TIAM1: variants seen among roughly 807,000 people sequenced by gnomAD.
The protein encoded by TIAM1 is TIAM Rac1 associated GEF 1, also known as rho guanine nucleotide exchange factor TIAM1.
In TIAM1, 65 loss-of-function variants were observed where a neutral mutation model predicts 163.5. That is an observed-to-expected ratio of 0.40 (90% CI 0.33 to 0.49). TIAM1 has a LOEUF of 0.49. Ranked by LOEUF, TIAM1 falls within the 20% of genes least tolerant of loss-of-function variation. The probability of loss-of-function intolerance (pLI) is 0.77; values close to 1 mark genes in which losing one functional copy is unlikely to be tolerated. For synonymous variants in TIAM1, 833 were observed against 810.1 expected (o/e 1.03, Z -0.48); for missense variants, 1,789 against 2,044.7 (o/e 0.87, Z 2.41).
intron 2 of TIAM1, among the ~76,000 whole-genome samples, chr21:31,298,213 C>T (rs2074365379): frequency 6.6e-6 from 1 of 152,138 alleles, no homozygotes. Flanking sequence ...AATAACTATG[C>T]ATATTTCTGT....
intron 2 of TIAM1, among the ~76,000 whole-genome samples, chr21:31,448,467 G>A (rs951714561): frequency 2.6e-5 from 4 of 152,050 alleles, no homozygotes; most frequent in Non-Finnish European, 5.9e-5. Context: ...TTAGCTAGGC[G>A]TGGTAATGCG....
intron 26 of TIAM1, among the ~76,000 whole-genome samples, chr21:31,126,132 C>A (rs971960101): frequency 1.3e-5 from 2 of 152,066 alleles, no homozygotes; most frequent in African/African-American, 2.4e-5. Context: ...GGTAAAGGTA[C>A]CTTCTTACCA....
In TIAM1 at chr21:31,120,693, A is replaced by G. The variant is rs779011002; in HGVS notation, c.4451T>C (p.Val1484Ala). 10 of 1,613,586 alleles carry G rather than the reference A, an allele frequency of 6.2e-6. No individual in the cohort carries two copies. The highest frequency in any genetic ancestry group is 8.5e-6 in the Non-Finnish European group (10 of 1,179,938). The change falls in exon 28 of 28, where the codon GTA (valine) becomes GCA (alanine). Residue 1484 changes from valine (V) to alanine (A), a missense_variant. By Grantham distance (64) the Val-to-Ala change is moderately conservative. Coordinates refer to ENST00000541036, the MANE Select transcript of TIAM1 (RefSeq NM_001353694.2). This position sits in a 1 kb window ranked among gnomAD's most constrained non-coding sequence, Gnocchi z 4.2. ...PPGGGDTDRWVEEQFDLAQYE... is the reference protein window; with the variant it reads ...PPGGGDTDRWAEEQFDLAQYE... ...CTGAGCAAGATCAAACTGCTCCTCT[A>G]CCCATCGGTCAGTGTCCCCACCACC...
intron 13 of TIAM1, among the ~76,000 whole-genome samples, chr21:31,190,177 G>T (rs537636223): frequency 1.3e-5 from 2 of 152,152 alleles, no homozygotes; most frequent in Non-Finnish European, 2.9e-5. Context: ...AGGCTGAGGC[G>T]GGAGGAAAGC....
At chr21:31,449,947 C>T (rs913644499) in intron 2 of TIAM1, among the ~76,000 whole-genome samples, 6 of 152,264 alleles carry the variant, frequency 3.9e-5, no homozygotes, top group Admixed American at 2.0e-4. Flanking sequence ...AGAGGAAGGC[C>T]AGAGGGGCCT....
At chr21:31,434,139 G>GA (rs113976495) in intron 2 of TIAM1, among the ~76,000 whole-genome samples, 11,860 of 149,620 alleles carry the variant, frequency 0.079, 1,523 homozygotes, top group African/African-American at 0.27. Context: ...TATTTTTAAA[G>GA]AAAAAAAAAG....
At chr21:31,194,503 A>G (rs571035235) in intron 13 of TIAM1, among the ~76,000 whole-genome samples, 82 of 152,332 alleles carry the variant, frequency 5.4e-4, no homozygotes, top group African/African-American at 1.9e-3. Context: ...TACATTACTA[A>G]GGTACATCAT....
chr21:31,232,882 TC>T (rs1290633212), intron 6 of TIAM1, among the ~76,000 whole-genome samples: 2 of 151,864 alleles, frequency 1.3e-5, no homozygotes, highest in Non-Finnish European at 2.9e-5. Flanking sequence ...CTGTGATTCT[TC>T]CTTTGCCTTC....
At chr21:31,190,020 C>G (rs1374443054) in intron 13 of TIAM1, among the ~76,000 whole-genome samples, 2 of 152,162 alleles carry the variant, frequency 1.3e-5, no homozygotes, top group Admixed American at 1.3e-4. Context: ...TATCCACCAA[C>G]TGGAAGGCTG....
chr21:31,124,685 C>T lies in TIAM1; in HGVS notation c.4143G>A (p.Glu1381=). Reference sequence around the variant, plus strand: ...CAGCCTTTAGGAAATCCTTTCGGCTCTCTGGGGAGCTAGGAAAAGAAGATT... The same window carrying T: ...CAGCCTTTAGGAAATCCTTTCGGCTTTCTGGGGAGCTAGGAAAAGAAGATT... The part of the protein sequence containing the change: ...RVFHLCCSSP[E]SRKDFLKAVH... The change falls in exon 27 of 28, where the codon GAG becomes GAA. Residue 1381 remains glutamate (E), a synonymous_variant. Transcript: ENST00000541036. 3.8e-6 allele frequency: 6 copies of T among 1,573,036 alleles called. No individual in the cohort carries two copies. The highest frequency in any genetic ancestry group is 5.2e-6 in the Non-Finnish European group (6 of 1,158,898).
chr21:31,258,303 T>C (rs777855784), intron 4 of TIAM1, among the ~76,000 whole-genome samples: 1 of 152,042 alleles, frequency 6.6e-6, no homozygotes, highest in Non-Finnish European at 1.5e-5. Flanking sequence ...TCCACCACAA[T>C]CTCAAAACAA....
intron 2 of TIAM1, among the ~76,000 whole-genome samples, chr21:31,365,387 C>CTTTT (rs772457613): frequency 4.5e-4 from 58 of 128,778 alleles, no homozygotes; most frequent in East Asian, 4.8e-4. Flanking sequence ...TTATTTCTTT[C>CTTTT]TTTTTTTTTT....
intron 5 of TIAM1, among the ~76,000 whole-genome samples, chr21:31,248,196 G>T (rs557699770): frequency 1.1e-3 from 172 of 152,300 alleles, no homozygotes; most frequent in Non-Finnish European, 2.2e-3. Context: ...CATAAAAGGA[G>T]CAACACACGT....
chr21:31,427,032 C>T (rs554892424), intron 2 of TIAM1, among the ~76,000 whole-genome samples: 10 of 152,104 alleles, frequency 6.6e-5, no homozygotes, highest in Non-Finnish European at 1.2e-4. Flanking sequence ...GCAATCCTCC[C>T]ACCTCAGCCT....
At chr21:31,418,398 G>A (rs1275176406) in intron 2 of TIAM1, among the ~76,000 whole-genome samples, 1 of 151,022 alleles carries the variant, frequency 6.6e-6, no homozygotes, top group Non-Finnish European at 1.5e-5. Flanking sequence ...TTAGACACAG[G>A]GTGGTGGGAA....
intron 2 of TIAM1, among the ~76,000 whole-genome samples, chr21:31,327,743 C>T (rs538931922): frequency 2.6e-5 from 4 of 152,060 alleles, no homozygotes; most frequent in African/African-American, 7.2e-5. Flanking sequence ...CCACCATCAC[C>T]CTGCACCAGT....
At chr21:31,492,283 G>A (rs536226621) in intron 1 of TIAM1, among the ~76,000 whole-genome samples, 2 of 152,198 alleles carry the variant, frequency 1.3e-5, no homozygotes, top group East Asian at 1.9e-4. Flanking sequence ...TCACAATTTG[G>A]AATTTCCTGG....
At chr21:31,398,061 C>A (rs368912467) in intron 2 of TIAM1, among the ~76,000 whole-genome samples, 21 of 151,728 alleles carry the variant, frequency 1.4e-4, no homozygotes, top group Admixed American at 3.9e-4. Flanking sequence ...TGACCTCCCC[C>A]CTACAACCTC....
At chr21:31,156,464 C>T (rs1477411017) in intron 16 of TIAM1, among the ~76,000 whole-genome samples, 11 of 152,136 alleles carry the variant, frequency 7.2e-5, no homozygotes, top group Admixed American at 7.2e-4. Context: ...TAAATTATAT[C>T]TCAACAAGGC....
Sources: allele counts gnomAD v4.1 joint callset (sites outside exome capture counted in the v4.1 genomes callset), GRCh38; gene constraint gnomAD v4.1.1; non-coding constraint Gnocchi (gnomAD v3.1); transcripts MANE v1.5; gene names NCBI Gene and HGNC (gene_info 2026-07-23, HGNC 2026-07-21).